CDH18: variants seen among roughly 807,000 people sequenced by gnomAD.
CDH18 encodes cadherin 18.
CDH18 carries 31 observed loss-of-function variants against 67.9 expected under a neutral mutation model. That is an observed-to-expected ratio of 0.46 (90% CI 0.34 to 0.62). The LOEUF is 0.62. Among genes scored for constraint, CDH18 ranks in the 20% least tolerant of loss-of-function variants. The pLI, the probability that CDH18 is intolerant of heterozygous loss-of-function variation, is 0.01. For synonymous variants in CDH18, 362 were observed against 347.2 expected, an observed-to-expected ratio of 1.04 and a Z score of -0.48; for missense variants, 890 against 975.5, an observed-to-expected ratio of 0.91 and a Z score of 1.17.
intron 2 of CDH18, among the ~76,000 whole-genome samples, chr5:20,020,900 T>C (rs560027420): frequency 1.3e-5 from 2 of 152,038 alleles, no homozygotes; most frequent in Non-Finnish European, 2.9e-5. Flanking sequence ...GATTCACCAA[T>C]AGCTTGCACT....
chr5:19,556,762 A>G (rs1294327199), intron 8 of CDH18, among the ~76,000 whole-genome samples: 2 of 152,160 alleles, frequency 1.3e-5, no homozygotes, highest in Non-Finnish European at 2.9e-5. Context: ...TTCAAATACA[A>G]GAAGCTCAAA....
rs560234624 is a variant in CDH18, at chr5:19,662,846, G to A, written c.644-50245C>T. ...ATTTCCATAACAAATAAAATACTACGTACGTGCGAATAATAAGTAGGTAGG... is the reference window on the plus strand; with the variant it reads ...ATTTCCATAACAAATAAAATACTACATACGTGCGAATAATAAGTAGGTAGG... On this transcript the variant is annotated intron_variant, in intron 5 of 12. Coordinates refer to ENST00000382275, the MANE Select transcript of CDH18 (RefSeq NM_004934.5). Among the ~76,000 whole-genome samples the A allele has an allele frequency of 1.5e-3, 233 of 152,052 alleles. 1 individual carries two copies. Among genetic ancestry groups the A allele is most frequent in the Middle Eastern group, 3.4e-3 (1 of 294 alleles).
chr5:20,567,204 A>G (rs540881880), intron 1 of CDH18, among the ~76,000 whole-genome samples: 85 of 152,330 alleles, frequency 5.6e-4, no homozygotes, highest in African/African-American at 1.8e-3. Flanking sequence ...AAATGTTGGA[A>G]GCAGCCACCA....
At chr5:19,602,200 A>G (rs954320674) in intron 6 of CDH18, among the ~76,000 whole-genome samples, 4 of 152,118 alleles carry the variant, frequency 2.6e-5, no homozygotes, top group Admixed American at 6.6e-5. Flanking sequence ...ATAGAAAGCC[A>G]TAGGGAGTAC....
At chr5:19,701,941 G>C (rs1763302977) in intron 5 of CDH18, among the ~76,000 whole-genome samples, 3 of 152,032 alleles carry the variant, frequency 2.0e-5, no homozygotes, top group African/African-American at 4.8e-5. Flanking sequence ...TATTGTGCAA[G>C]TCTTGCTCAC....
chr5:19,837,453 T>C (rs559469003), intron 3 of CDH18, among the ~76,000 whole-genome samples: 1 of 152,202 alleles, frequency 6.6e-6, no homozygotes, highest in Non-Finnish European at 1.5e-5. Flanking sequence ...CCCAGGTAAA[T>C]TTCTACTAAT....
At chr5:20,163,571 G>T (rs1017325383) in intron 2 of CDH18, among the ~76,000 whole-genome samples, 1 of 151,986 alleles carries the variant, frequency 6.6e-6, no homozygotes, top group Non-Finnish European at 1.5e-5. Context: ...GATCACCATG[G>T]ACTTAATTAT....
At chr5:20,200,253 C>G (rs1739341296) in intron 2 of CDH18, among the ~76,000 whole-genome samples, 1 of 152,090 alleles carries the variant, frequency 6.6e-6, no homozygotes, top group Non-Finnish European at 1.5e-5. Context: ...ACTGTGAGTA[C>G]TAGTGATAGA....
chr5:20,338,933 G>C (rs1166468591), intron 1 of CDH18, among the ~76,000 whole-genome samples: 3 of 152,122 alleles, frequency 2.0e-5, no homozygotes, highest in African/African-American at 4.8e-5. Context: ...AACAAGGTAA[G>C]TGTGACTTCC....
At chr5:19,486,043 G>A (rs1187854429) in intron 11 of CDH18, among the ~76,000 whole-genome samples, 1 of 151,982 alleles carries the variant, frequency 6.6e-6, no homozygotes, top group Non-Finnish European at 1.5e-5. Context: ...TAAGACATAA[G>A]GACATAAAGA....
intron 1 of CDH18, among the ~76,000 whole-genome samples, chr5:20,327,169 C>T (rs891988564): frequency 6.6e-6 from 1 of 152,094 alleles, no homozygotes; most frequent in African/African-American, 2.4e-5. Flanking sequence ...AATATTGCGA[C>T]CCCAAACTCA....
At position 19,713,955 on chromosome 5, in the gene CDH18, T is replaced by C. The variant is rs541386121; in HGVS notation, c.643+7392A>G. ...CAACACCTGCCTGGGCAGTGCACTG[T>C]ACTATGAAGGTGATTCATATGTCTG... is the stretch of plus-strand genomic sequence containing the variant. On this transcript the variant is annotated intron_variant, in intron 5 of 12. Transcript: ENST00000382275. Among the ~76,000 whole-genome samples, 9 of 152,252 alleles carry C rather than the reference T, an allele frequency of 5.9e-5. No individual in the cohort carries two copies. The South Asian group carries it at 1.7e-3, about 28-fold the overall frequency.
intron 5 of CDH18, among the ~76,000 whole-genome samples, chr5:19,673,931 T>C (rs1421836489): frequency 2.0e-5 from 3 of 152,130 alleles, no homozygotes; most frequent in Non-Finnish European, 2.9e-5. Context: ...ACAACTATTA[T>C]ATAAACCACA....
chr5:19,792,919 G>A (rs895049505), intron 3 of CDH18, among the ~76,000 whole-genome samples: 9 of 152,124 alleles, frequency 5.9e-5, no homozygotes, highest in Non-Finnish European at 1.0e-4. Context: ...AGAGGCATTT[G>A]TGATTACGTT....
At chr5:20,474,948 A>G (rs1554006064) in intron 1 of CDH18, among the ~76,000 whole-genome samples, 1 of 152,208 alleles carries the variant, frequency 6.6e-6, no homozygotes, top group Non-Finnish European at 1.5e-5. Context: ...GCAGAACCAC[A>G]TTACTTTAAA....
At chr5:19,911,653 C>T (rs1791159343) in intron 2 of CDH18, among the ~76,000 whole-genome samples, 1 of 151,804 alleles carries the variant, frequency 6.6e-6, no homozygotes, top group African/African-American at 2.4e-5. Flanking sequence ...TGTCAACAAG[C>T]CAGGGAGACA....
intron 2 of CDH18, among the ~76,000 whole-genome samples, chr5:19,936,290 T>A (rs1415111377): frequency 2.0e-5 from 3 of 151,410 alleles, no homozygotes; most frequent in Non-Finnish European, 1.5e-5. Context: ...ACAAGAAATG[T>A]TTTGAAAGTT....
intron 1 of CDH18, among the ~76,000 whole-genome samples, chr5:20,275,759 G>C (rs896029206): frequency 3.3e-5 from 5 of 152,262 alleles, no homozygotes; most frequent in African/African-American, 1.2e-4. Flanking sequence ...AAAGTACCTG[G>C]TTTTAACTTC....
chr5:20,396,924 TA>T (rs1455563333), intron 1 of CDH18, among the ~76,000 whole-genome samples: 1 of 152,210 alleles, frequency 6.6e-6, no homozygotes, highest in Non-Finnish European at 1.5e-5. Context: ...CTATCGGAAT[TA>T]AAAAGTTATC....
Sources: gnomAD v4.1 joint callset for allele counts (sites outside exome capture counted in the v4.1 genomes callset) on GRCh38, gnomAD v4.1.1 for gene constraint, MANE v1.5 for transcripts, NCBI Gene and HGNC (gene_info 2026-07-23, HGNC 2026-07-21) for gene names.